The following FGD4 variants were observed in gnomAD, a reference collection of about 807,000 sequenced individuals.
The protein encoded by FGD4 is FYVE, RhoGEF and PH domain-containing protein 4.
FGD4 carries 42 observed loss-of-function variants against 102.0 expected under a neutral mutation model. That is an observed-to-expected ratio of 0.41 (90% CI 0.32 to 0.53). The LOEUF (loss-of-function observed/expected upper bound fraction) is 0.53. FGD4 is among the 20% of genes least tolerant of loss of function. The pLI, the probability that FGD4 is intolerant of heterozygous loss-of-function variation, is 0.21. For synonymous variants in FGD4, 380 were observed against 375.7 expected (o/e 1.01, Z -0.13); for missense variants, 902 against 1,078.2 (o/e 0.84, Z 2.29).
At chr12:32,516,289 G>A (rs1294721331) in intron 1 of FGD4, among the ~76,000 whole-genome samples, 1 of 152,064 alleles carries the variant, frequency 6.6e-6, no homozygotes, top group Non-Finnish European at 1.5e-5. Context: ...CTCCAGGTGT[G>A]CGCCACCATG....
At chr12:32,497,100 TC>T (rs1937868772) in intron 1 of FGD4, among the ~76,000 whole-genome samples, 1 of 152,162 alleles carries the variant, frequency 6.6e-6, no homozygotes, top group Admixed American at 6.5e-5. Context: ...ACTTTCCTAG[TC>T]AATGTTGGTT....
At chr12:32,632,179 A>T (rs1642824771) in intron 14 of FGD4, among the ~76,000 whole-genome samples, 1 of 152,208 alleles carries the variant, frequency 6.6e-6, no homozygotes, top group Admixed American at 6.5e-5. Flanking sequence ...ATAATGTGTT[A>T]AACTAGAAGA....
intron 1 of FGD4, among the ~76,000 whole-genome samples, chr12:32,404,152 T>C (rs1940821323): frequency 6.6e-6 from 1 of 152,080 alleles, no homozygotes; most frequent in South Asian, 2.1e-4. Context: ...ATGCATTTGT[T>C]GTATCTGAGT....
At chr12:32,577,005 C>T (rs1033373032) in intron 3 of FGD4, among the ~76,000 whole-genome samples, 1 of 152,014 alleles carries the variant, frequency 6.6e-6, no homozygotes, top group Non-Finnish European at 1.5e-5. Context: ...ATATTATTAC[C>T]AATGACAAAA....
intron 1 of FGD4, among the ~76,000 whole-genome samples, chr12:32,444,129 A>G (rs770657388): frequency 7.3e-5 from 11 of 151,232 alleles, no homozygotes; most frequent in South Asian, 2.1e-4. Flanking sequence ...GGCTCACGCA[A>G]TGCTCCACCT....
rs545627852 is a variant in FGD4, at chr12:32,594,221, C to T, written c.1012-4276C>T. On this transcript the variant is annotated intron_variant, in intron 4 of 16. Coordinates refer to ENST00000534526, the MANE Select transcript of FGD4 (RefSeq NM_001370298.3). The stretch of plus-strand genomic sequence containing the variant: ...AGCTTCATCTGTATTTACAGGCTTG[C>T]TCCCCATCACTCACGTTACCATCTG... Among the ~76,000 whole-genome samples the T allele has an allele frequency of 1.2e-4, 18 of 152,232 alleles. No individual in the cohort carries two copies. In the South Asian group the frequency reaches 3.1e-3, roughly 26 times the overall value.
At position 32,523,566 on chromosome 12, in the gene FGD4, G is replaced by A. The variant is rs573765560; in HGVS notation, c.167-40571G>A. Among the ~76,000 whole-genome samples the A allele has an allele frequency of 6.8e-4, 103 of 152,338 alleles. 1 individual carries two copies. Among genetic ancestry groups the A allele is most frequent in the African/African-American group, 2.2e-3 (92 of 41,582 alleles). On this transcript the variant is annotated intron_variant, in intron 1 of 16. Transcript: ENST00000534526. ...AAAGGACTCTAAAATGCTACACAAC[G>A]CATTTACTGTTTGCAGGTGGATGAA...
intron 1 of FGD4, among the ~76,000 whole-genome samples, chr12:32,455,665 A>G (rs1354857446): frequency 7.1e-6 from 1 of 140,710 alleles, no homozygotes. Context: ...TGTTAAAATT[A>G]AAGACTTTTT....
intron 13 of FGD4, among the ~76,000 whole-genome samples, chr12:32,625,411 A>G (rs944083150): frequency 1.3e-5 from 2 of 151,512 alleles, no homozygotes; most frequent in Non-Finnish European, 2.9e-5. Flanking sequence ...CTGGGATTAT[A>G]CGTGCATGCC....
rs564630928 is a variant in FGD4 at position 32,623,275 on chromosome 12, C to T, written c.1923-1147C>T. On this transcript the variant is annotated intron_variant, in intron 11 of 16. Coordinates refer to ENST00000534526, the MANE Select transcript of FGD4 (RefSeq NM_001370298.3). Reference sequence around the variant, plus strand: ...TTCTCTGCATTTGAAAAGCTAAAAGCAGCTAGCAGATAACTGTGCTTCCAG... The same window carrying T: ...TTCTCTGCATTTGAAAAGCTAAAAGTAGCTAGCAGATAACTGTGCTTCCAG... Among the ~76,000 whole-genome samples the T allele has an allele frequency of 9.2e-5, 14 of 152,214 alleles. No individual in the cohort carries two copies. The South Asian group carries it at 2.9e-3, about 32-fold the overall frequency.
At chr12:32,445,006 A>T (rs993463055) in intron 1 of FGD4, among the ~76,000 whole-genome samples, 2 of 152,228 alleles carry the variant, frequency 1.3e-5, no homozygotes, top group African/African-American at 4.8e-5. Context: ...GTCATTGATG[A>T]GTAAGTTCCA....
chr12:32,623,942 TG>T (rs1949997451), intron 11 of FGD4, among the ~76,000 whole-genome samples: 1 of 152,164 alleles, frequency 6.6e-6, no homozygotes, highest in Non-Finnish European at 1.5e-5. Flanking sequence ...TTCTAAGAAC[TG>T]GAAAATAAAT....
rs779342768 is a variant in FGD4 at position 32,638,762 on chromosome 12, C to A, written c.2421C>A (p.Asp807Glu). The A allele has an allele frequency of 1.6e-5, 26 of 1,614,046 alleles. No individual in the cohort carries two copies. The highest frequency in any genetic ancestry group is 2.1e-5 in the Non-Finnish European group (25 of 1,180,028). ...QKAWCVIPKQDPLVLYMYGAP... is the reference protein window; with the variant it reads ...QKAWCVIPKQEPLVLYMYGAP... ...CTTGGTGTGTGATCCCCAAGCAAGA[C>A]CCTCTTGTGCTGTACATGTATGGTG... The change falls in exon 16 of 17, where the codon GAC becomes GAA. Residue 807 changes from aspartate (D) to glutamate (E), a missense_variant. By Grantham distance (45) the Asp-to-Glu change is conservative (BLOSUM62 2). Coordinates refer to ENST00000534526, the MANE Select transcript of FGD4 (RefSeq NM_001370298.3).
At chr12:32,584,723 C>G (rs531396727) in intron 4 of FGD4, among the ~76,000 whole-genome samples, 1 of 152,094 alleles carries the variant, frequency 6.6e-6, no homozygotes, top group Admixed American at 6.6e-5. Context: ...CTTAAGCTGT[C>G]CAATGTGTTG....
At chr12:32,569,951 A>G (rs913875128) in intron 2 of FGD4, among the ~76,000 whole-genome samples, 3 of 152,140 alleles carry the variant, frequency 2.0e-5, no homozygotes, top group Non-Finnish European at 4.4e-5. Flanking sequence ...CAGATTTAAA[A>G]TTCTGGTCAA....
chr12:32,563,602 G>A (rs1210921760), intron 1 of FGD4, among the ~76,000 whole-genome samples: 5 of 151,852 alleles, frequency 3.3e-5, no homozygotes, highest in Non-Finnish European at 7.4e-5. Flanking sequence ...ACGGGGTGGC[G>A]GCCGGGCAGA....
intron 11 of FGD4, among the ~76,000 whole-genome samples, chr12:32,623,029 C>G (rs1231073489): frequency 6.6e-6 from 1 of 152,128 alleles, no homozygotes; most frequent in Admixed American, 6.5e-5. Flanking sequence ...CTGAAGCTAA[C>G]TGGGAAAAAA....
intron 10 of FGD4, among the ~76,000 whole-genome samples, chr12:32,617,934 G>A (rs778859214): frequency 1.7e-4 from 26 of 152,182 alleles, no homozygotes; most frequent in Non-Finnish European, 3.5e-4. Context: ...ATCATATTGT[G>A]ATCAGAACTA....
intron 1 of FGD4, among the ~76,000 whole-genome samples, chr12:32,418,865 C>A (rs1211972007): frequency 1.3e-5 from 2 of 152,178 alleles, no homozygotes; most frequent in Non-Finnish European, 2.9e-5. Context: ...GGATTGAAGT[C>A]AAAACCTTAG....
Sources: allele counts gnomAD v4.1 joint callset (sites outside exome capture counted in the v4.1 genomes callset), GRCh38; gene constraint gnomAD v4.1.1; transcripts MANE v1.5; gene names NCBI Gene and HGNC (gene_info 2026-07-23, HGNC 2026-07-21).